The following CADM1 variants were observed in gnomAD, a reference collection of about 807,000 sequenced individuals.
The protein encoded by CADM1 is cell adhesion molecule 1.
In CADM1, 15 loss-of-function variants were observed where a neutral mutation model predicts 53.1. The ratio of observed to expected loss-of-function variants is 0.28; its 90% CI spans 0.19 to 0.44. CADM1 has a LOEUF of 0.44. Among genes scored for constraint, CADM1 ranks in the 20% least tolerant of loss-of-function variants. The pLI, the probability that CADM1 is intolerant of heterozygous loss-of-function variation, is 1.00. For synonymous variants in CADM1, 281 were observed against 243.0 expected, an observed-to-expected ratio of 1.16 and a Z score of -1.45; for missense variants, 434 against 611.3, an observed-to-expected ratio of 0.71 and a Z score of 3.06.
intron 1 of CADM1, among the ~76,000 whole-genome samples, chr11:115,249,722 G>A (rs1942529152): frequency 6.6e-6 from 1 of 151,996 alleles, no homozygotes; most frequent in Non-Finnish European, 1.5e-5. Context: ...AGCAGCCTCT[G>A]GTGAGCTCTT....
chr11:115,274,700 T>C (rs1943396460), intron 1 of CADM1, among the ~76,000 whole-genome samples: 1 of 152,228 alleles, frequency 6.6e-6, no homozygotes, highest in Non-Finnish European at 1.5e-5. Context: ...TTTTATATAG[T>C]CCTCATAGGA....
intron 1 of CADM1, among the ~76,000 whole-genome samples, chr11:115,484,727 C>G (rs906131109): frequency 2.6e-5 from 4 of 151,850 alleles, no homozygotes; most frequent in African/African-American, 9.7e-5. Flanking sequence ...GCGGGCGGAT[C>G]ACAAGGTCAG....
intron 1 of CADM1, among the ~76,000 whole-genome samples, chr11:115,477,754 T>A (rs2135403731): frequency 6.6e-6 from 1 of 152,364 alleles, no homozygotes; most frequent in South Asian, 2.1e-4. Context: ...CTGGCTGCAC[T>A]GGAGAAGTGT....
At chr11:115,459,030 G>A (rs1948739348) in intron 1 of CADM1, among the ~76,000 whole-genome samples, 2 of 152,166 alleles carry the variant, frequency 1.3e-5, no homozygotes, top group South Asian at 4.1e-4. Context: ...AGAGCAACAT[G>A]TGCATGGATT....
At chr11:115,241,809 C>T (rs889926831) in intron 1 of CADM1, among the ~76,000 whole-genome samples, 60 of 151,964 alleles carry the variant, frequency 3.9e-4, no homozygotes, top group African/African-American at 1.3e-3. Context: ...TACACCAACT[C>T]GGGGCAGATT....
chr11:115,231,842 C>T (rs943488074), intron 3 of CADM1, among the ~76,000 whole-genome samples: 9 of 151,994 alleles, frequency 5.9e-5, no homozygotes, highest in South Asian at 2.1e-4. Context: ...CAAAATTATC[C>T]GGGCACGGCG....
intron 1 of CADM1, among the ~76,000 whole-genome samples, chr11:115,462,325 G>C (rs2135375339): frequency 6.6e-6 from 1 of 152,296 alleles, no homozygotes; most frequent in Non-Finnish European, 1.5e-5. Flanking sequence ...GAAGAGGCGA[G>C]AGTTAAACCG....
intron 10 of CADM1, among the ~76,000 whole-genome samples, chr11:115,183,596 G>T (rs1939412388): frequency 6.6e-6 from 1 of 152,138 alleles, no homozygotes; most frequent in South Asian, 2.1e-4. Context: ...TTGCCAAAAG[G>T]ACACCAAGAT....
At position 115,414,307 on chromosome 11, in the gene CADM1, A is replaced by G. The variant is rs187689180; in HGVS notation, c.124+89964T>C. Among the ~76,000 whole-genome samples the G allele has an allele frequency of 3.9e-5, 6 of 152,268 alleles. No individual in the cohort carries two copies. In the South Asian group the frequency reaches 1.0e-3, roughly 26 times the overall value. On this transcript the variant is annotated intron_variant, in intron 1 of 11. Transcript: ENST00000331581. ...TTCAGGGAGCCCTAGTTATCTTAAT[A>G]TTCATCATTTAAGCCCCCATAGTTA... is the stretch of plus-strand genomic sequence containing the variant.
chr11:115,419,340 C>T (rs1947695349), intron 1 of CADM1, among the ~76,000 whole-genome samples: 1 of 152,182 alleles, frequency 6.6e-6, no homozygotes, highest in Non-Finnish European at 1.5e-5. Flanking sequence ...CTGAAGTACA[C>T]AAGTAACTTT....
At chr11:115,375,938 T>A (rs916142960) in intron 1 of CADM1, among the ~76,000 whole-genome samples, 2 of 152,148 alleles carry the variant, frequency 1.3e-5, no homozygotes, top group African/African-American at 2.4e-5. Context: ...AGCACAAACA[T>A]GAAATAACAA....
At chr11:115,369,680 A>C (rs908766248) in intron 1 of CADM1, among the ~76,000 whole-genome samples, 1 of 152,198 alleles carries the variant, frequency 6.6e-6, no homozygotes, top group African/African-American at 2.4e-5. Flanking sequence ...ACCTAATATT[A>C]ACAACAGAAA....
intron 1 of CADM1, among the ~76,000 whole-genome samples, chr11:115,339,507 AT>A (rs1463351765): frequency 1.1e-4 from 17 of 152,202 alleles, no homozygotes; most frequent in Admixed American, 8.5e-4. Flanking sequence ...ACATGGTGTA[AT>A]TAAAAAAATC....
In CADM1 at chr11:115,173,609, TA is replaced by T. The variant is rs1938875546; in HGVS notation, c.*2864del. The T allele has an allele frequency of 3.8e-6, 1 of 260,732 alleles. No homozygotes were observed. Among genetic ancestry groups the T allele is most frequent in the Admixed American group, 6.5e-5 (1 of 15,328 alleles). The allele number at this position is 260,732 out of a possible 1,614,324, so 16.2% of individuals were successfully genotyped here. ...CTCGGAGGCGTCCATAAGAAGTCCA[TA>T]AAGAGATTAAAGGATCACTTTGTAA... is the stretch of plus-strand genomic sequence containing the variant. On this transcript the variant is annotated 3_prime_UTR_variant, in exon 12 of 12. Transcript: ENST00000331581.
At chr11:115,263,345 T>C (rs1024552844) in intron 1 of CADM1, among the ~76,000 whole-genome samples, 5 of 152,246 alleles carry the variant, frequency 3.3e-5, no homozygotes, top group Non-Finnish European at 5.9e-5. Flanking sequence ...TGTAGATATA[T>C]GTGTATGTTA....
Position 115,176,613 on chromosome 11 carries a change from G to C in CADM1, c.1298-21C>G, listed in dbSNP as rs917789754. The C allele has an allele frequency of 2.5e-6, 4 of 1,597,028 alleles. No individual in the cohort carries two copies. The African/African-American group carries it at 5.4e-5, about 21-fold the overall frequency. On this transcript the variant is annotated intron_variant, in intron 11 of 11. Coordinates refer to ENST00000331581, the MANE Select transcript of CADM1 (RefSeq NM_001301043.2). ...TGTACCTGAAAGATGAAGGGGTAAA[G>C]CACCGTGACTGTCTGATGGCCTCTG...
chr11:115,227,406 T>C (rs947121411), intron 5 of CADM1, among the ~76,000 whole-genome samples: 1 of 152,156 alleles, frequency 6.6e-6, no homozygotes, highest in African/African-American at 2.4e-5. Context: ...CTATATTCTA[T>C]TTAAAAGATA....
chr11:115,379,093 T>C (rs1156973681), intron 1 of CADM1, among the ~76,000 whole-genome samples: 1 of 152,244 alleles, frequency 6.6e-6, no homozygotes, highest in Non-Finnish European at 1.5e-5. Context: ...GTTTTGTCTC[T>C]GGTATACACA....
intron 1 of CADM1, among the ~76,000 whole-genome samples, chr11:115,388,439 C>A (rs1447796765): frequency 2.0e-5 from 3 of 152,116 alleles, no homozygotes; most frequent in African/African-American, 7.2e-5. Flanking sequence ...AAGATATTTG[C>A]ATGCTCTTAA....
Sources: gnomAD v4.1 joint callset for allele counts (sites outside exome capture counted in the v4.1 genomes callset) on GRCh38, gnomAD v4.1.1 for gene constraint, MANE v1.5 for transcripts, NCBI Gene and HGNC (gene_info 2026-07-23, HGNC 2026-07-21) for gene names.